PIEZO2: variants seen among roughly 807,000 people sequenced by gnomAD.
The protein encoded by PIEZO2 is piezo type mechanosensitive ion channel component 2.
PIEZO2 carries 172 observed loss-of-function variants against 337.3 expected under a neutral mutation model. The observed-to-expected ratio is 0.51, with a 90% CI of 0.45 to 0.58. The LOEUF is 0.58. PIEZO2 is among the 20% of genes least tolerant of loss of function. PIEZO2 has a pLI of 0.00. For synonymous variants in PIEZO2, 1,251 were observed against 1,228.5 expected (o/e 1.02, Z -0.38); for missense variants, 3,028 against 3,391.3 (o/e 0.89, Z 2.66).
chr18:10,776,480 T>C (rs1339539309), intron 18 of PIEZO2, among the ~76,000 whole-genome samples: 1 of 152,216 alleles, frequency 6.6e-6, no homozygotes, highest in East Asian at 1.9e-4. Flanking sequence ...GCCTGCACAA[T>C]GATGGATGAT....
chr18:10,921,024 G>T (rs2031357918), intron 3 of PIEZO2, among the ~76,000 whole-genome samples: 1 of 152,174 alleles, frequency 6.6e-6, no homozygotes, highest in Non-Finnish European at 1.5e-5. Context: ...TTGGACTCCA[G>T]CCTGGGCAAC....
At position 11,008,138 on chromosome 18, in the gene PIEZO2, C is replaced by T. The variant is rs888756526; in HGVS notation, c.161-28478G>A. Among the ~76,000 whole-genome samples, 4 of 152,066 alleles carry T rather than the reference C, an allele frequency of 2.6e-5. No homozygotes were observed. In the East Asian group the frequency reaches 5.8e-4, roughly 22 times the overall value. ...TTACCAATTTTTTTCCCATCAATCA[C>T]TTGGTGGGCAGCAAATTCATTGAAT... On this transcript the variant is annotated intron_variant, in intron 2 of 55. Transcript: ENST00000674853.
At chr18:10,900,783 G>C (rs1041155070) in intron 4 of PIEZO2, among the ~76,000 whole-genome samples, 5 of 152,200 alleles carry the variant, frequency 3.3e-5, no homozygotes, top group East Asian at 3.9e-4. Context: ...GAAAATAGAC[G>C]TGCTCCTACT....
intron 9 of PIEZO2, among the ~76,000 whole-genome samples, chr18:10,802,633 A>G (rs750325330): frequency 2.0e-5 from 3 of 152,156 alleles, no homozygotes; most frequent in African/African-American, 7.2e-5. Context: ...TGAAGTAGAT[A>G]AAGAAAATCT....
intron 5 of PIEZO2, among the ~76,000 whole-genome samples, chr18:10,868,526 A>G (rs1393280685): frequency 6.6e-6 from 1 of 152,214 alleles, no homozygotes; most frequent in Non-Finnish European, 1.5e-5. Context: ...TCAATGATGT[A>G]AAATAGCCCC....
intron 1 of PIEZO2, among the ~76,000 whole-genome samples, chr18:11,087,180 C>T (rs1002013486): frequency 3.3e-5 from 5 of 152,208 alleles, no homozygotes; most frequent in Admixed American, 3.3e-4. Context: ...TCACCAGACA[C>T]TGAATCGGCT....
chr18:10,975,475 A>C (rs1278537430), intron 3 of PIEZO2, among the ~76,000 whole-genome samples: 1 of 151,936 alleles, frequency 6.6e-6, no homozygotes, highest in Non-Finnish European at 1.5e-5. Context: ...TCTGGAAATG[A>C]GGGGAAAAAA....
At chr18:10,918,831 C>T (rs2031195312) in intron 3 of PIEZO2, among the ~76,000 whole-genome samples, 1 of 152,014 alleles carries the variant, frequency 6.6e-6, no homozygotes, top group South Asian at 2.1e-4. Flanking sequence ...CATAGTTTAA[C>T]AAAATTTAAT....
At chr18:10,968,358 T>C (rs1598758180) in intron 3 of PIEZO2, among the ~76,000 whole-genome samples, 1 of 152,236 alleles carries the variant, frequency 6.6e-6, no homozygotes, top group Non-Finnish European at 1.5e-5. Context: ...TATGGTCTTA[T>C]AGTATAGTTT....
intron 4 of PIEZO2, among the ~76,000 whole-genome samples, chr18:10,876,582 C>T (rs2042275316): frequency 3.3e-5 from 5 of 152,162 alleles, no homozygotes; most frequent in Admixed American, 3.3e-4. Context: ...CATCTAATCA[C>T]CCAACTACCC....
chr18:11,090,779 G>A (rs2039053259), intron 1 of PIEZO2, among the ~76,000 whole-genome samples: 1 of 151,986 alleles, frequency 6.6e-6, no homozygotes, highest in South Asian at 2.1e-4. Context: ...GGGCGTGGTG[G>A]CGGGCGCCTG....
rs1358482975 is a variant in PIEZO2 at position 11,094,184 on chromosome 18, G to A, written c.65-27962C>T. Reference sequence around the variant, plus strand: ...AATAGAGACCAGGTTTCATCATGTTGGCCAGGCTCTTCTCTCTACTGTGAT... The same window carrying A: ...AATAGAGACCAGGTTTCATCATGTTAGCCAGGCTCTTCTCTCTACTGTGAT... On this transcript the variant is annotated intron_variant, in intron 1 of 55. Transcript: ENST00000674853. The surrounding 1 kb of genome is among the most constrained non-coding windows in gnomAD (Gnocchi z 4.4). Among the ~76,000 whole-genome samples the A allele has an allele frequency of 2.0e-5, 3 of 151,954 alleles. No individual in the cohort carries two copies. Among genetic ancestry groups the A allele is most frequent in the African/African-American group, 7.2e-5 (3 of 41,382 alleles).
chr18:11,117,713 T>C (rs1229693697), intron 1 of PIEZO2, among the ~76,000 whole-genome samples: 1 of 152,238 alleles, frequency 6.6e-6, no homozygotes, highest in Non-Finnish European at 1.5e-5. Flanking sequence ...ATTTGAAAGA[T>C]CCAGCTAACC....
At position 11,131,643 on chromosome 18, in the gene PIEZO2, T is replaced by C. The variant is rs942712542; in HGVS notation, c.64+16882A>G. On this transcript the variant is annotated intron_variant, in intron 1 of 55. Transcript: ENST00000674853. This position sits in a 1 kb window ranked among gnomAD's most constrained non-coding sequence, Gnocchi z 5.3. ...AATGGCCAGATATGTGATTATATAC[T>C]GATTAATGGGATGTAGCCAATGTTT... Among the ~76,000 whole-genome samples, 1 of 152,182 alleles carries C rather than the reference T, an allele frequency of 6.6e-6. No homozygotes were observed. The highest frequency in any genetic ancestry group is 1.5e-5 in the Non-Finnish European group (1 of 68,028).
chr18:10,960,476 A>G (rs1487212151), intron 3 of PIEZO2, among the ~76,000 whole-genome samples: 1 of 152,196 alleles, frequency 6.6e-6, no homozygotes, highest in Non-Finnish European at 1.5e-5. Context: ...AGTCATTTAT[A>G]GACACAGGGT....
rs1312598951 is a variant in PIEZO2 at position 10,872,381 on chromosome 18, T to C, written c.330-966A>G. On this transcript the variant is annotated intron_variant, in intron 4 of 55. Transcript: ENST00000674853. This position sits in a 1 kb window ranked among gnomAD's most constrained non-coding sequence, Gnocchi z 4.3. Reference sequence around the variant, plus strand: ...AGGAGGAGAGATCTGTCTGGGAAGGTAATACAAACGCCATCTGTGATTTTG... The same window carrying C: ...AGGAGGAGAGATCTGTCTGGGAAGGCAATACAAACGCCATCTGTGATTTTG... Among the ~76,000 whole-genome samples, 3 of 152,078 alleles carry C rather than the reference T, an allele frequency of 2.0e-5. No homozygotes were observed. Among genetic ancestry groups the C allele is most frequent in the Admixed American group, 1.3e-4 (2 of 15,264 alleles).
At chr18:11,006,593 TC>T (rs2035730398) in intron 2 of PIEZO2, among the ~76,000 whole-genome samples, 1 of 152,078 alleles carries the variant, frequency 6.6e-6, no homozygotes, top group Admixed American at 6.5e-5. Context: ...CCATTTACCC[TC>T]CCGCATCTGC....
At position 10,993,959 on chromosome 18, in the gene PIEZO2, A is replaced by G. The variant is rs1466927803; in HGVS notation, c.161-14299T>C. Among the ~76,000 whole-genome samples the G allele has an allele frequency of 6.6e-6, 1 of 152,200 alleles. No homozygotes were observed. The highest frequency in any genetic ancestry group is 1.5e-5 in the Non-Finnish European group (1 of 68,036). ...TGAGATTTTGGTGTACCCATCACCC[A>G]AGAAGTATACACTGAAGCCAATTTG... On this transcript the variant is annotated intron_variant, in intron 2 of 55. Coordinates refer to ENST00000674853, the MANE Select transcript of PIEZO2 (RefSeq NM_001378183.1). This position sits in a 1 kb window ranked among gnomAD's most constrained non-coding sequence, Gnocchi z 5.0.
chr18:11,049,108 G>T (rs1477676050), intron 2 of PIEZO2, among the ~76,000 whole-genome samples: 1 of 152,120 alleles, frequency 6.6e-6, no homozygotes, highest in African/African-American at 2.4e-5. Flanking sequence ...ACCTTTAAAG[G>T]GAAAATAACC....
Sources: gnomAD v4.1 joint callset for allele counts (sites outside exome capture counted in the v4.1 genomes callset) on GRCh38, gnomAD v4.1.1 for gene constraint, Gnocchi (gnomAD v3.1) non-coding constraint, MANE v1.5 for transcripts, NCBI Gene and HGNC (gene_info 2026-07-23, HGNC 2026-07-21) for gene names.